The following DIP2C variants were observed in gnomAD, a reference collection of about 807,000 sequenced individuals.
DIP2C encodes the protein DIP2 acetate--CoA ligase C (putative), also known as disco-interacting protein 2 homolog C.
DIP2C carries 33 observed loss-of-function variants against 192.4 expected under a neutral mutation model. That is an observed-to-expected ratio of 0.17 (90% CI 0.13 to 0.23). The LOEUF is 0.23. Ranked by LOEUF, DIP2C falls within the 10% of genes least tolerant of loss-of-function variation. The pLI, the probability that DIP2C is intolerant of heterozygous loss-of-function variation, is 1.00. For missense variants in DIP2C, 1,537 were observed against 2,110.1 expected, an observed-to-expected ratio of 0.73 and a Z score of 5.32; for synonymous variants, 979 against 864.1, an observed-to-expected ratio of 1.13 and a Z score of -2.33.
chr10:616,186 T>C (rs951424093), intron 1 of DIP2C, among the ~76,000 whole-genome samples: 2 of 152,212 alleles, frequency 1.3e-5, no homozygotes, highest in Non-Finnish European at 2.9e-5. Context: ...ACTAAATTCC[T>C]CGATTTTATC....
chr10:483,516 C>A (rs1423880597), intron 2 of DIP2C, among the ~76,000 whole-genome samples: 1 of 152,238 alleles, frequency 6.6e-6, no homozygotes, highest in African/African-American at 2.4e-5. Flanking sequence ...GGAGTCCCCC[C>A]ATCCTGAGTC....
At chr10:470,189 T>C (rs904747753) in intron 3 of DIP2C, among the ~76,000 whole-genome samples, 1 of 152,088 alleles carries the variant, frequency 6.6e-6, no homozygotes, top group Admixed American at 6.6e-5. Context: ...TACACAGACA[T>C]GCAGATAGAC....
chr10:568,789 A>AAAC (rs1564208339), intron 1 of DIP2C, among the ~76,000 whole-genome samples: 2 of 140,546 alleles, frequency 1.4e-5, no homozygotes, highest in African/African-American at 2.8e-5. Flanking sequence ...AAAAAAAAAA[A>AAAC]AAAAAAAAAC....
chr10:673,489 A>G (rs926227356), intron 1 of DIP2C, among the ~76,000 whole-genome samples: 5 of 152,184 alleles, frequency 3.3e-5, no homozygotes, highest in Non-Finnish European at 7.3e-5. Context: ...TTCATCCCAC[A>G]TCACCTTTCA....
intron 36 of DIP2C, among the ~76,000 whole-genome samples, chr10:278,884 C>T (rs1485510023): frequency 2.0e-5 from 3 of 152,106 alleles, no homozygotes; most frequent in Non-Finnish European, 4.4e-5. Context: ...AGAAGGTTCC[C>T]GGGCAGAGTG....
chr10:477,737 A>G (rs1843176889), intron 2 of DIP2C, among the ~76,000 whole-genome samples: 1 of 123,804 alleles, frequency 8.1e-6, no homozygotes, highest in South Asian at 3.7e-4. Flanking sequence ...GAAGGAAAGA[A>G]AGAACGAGAA....
intron 24 of DIP2C, 97 bp from the exon 25 acceptor site, chr10:349,551 T>C (rs1958691285): frequency 6.7e-7 from 1 of 1,484,204 alleles, no homozygotes; most frequent in South Asian, 1.3e-5. Flanking sequence ...GCGCAAAGCA[T>C]ACATCACTGG....
intron 3 of DIP2C, among the ~76,000 whole-genome samples, chr10:470,248 G>C (rs921336724): frequency 6.6e-5 from 10 of 152,166 alleles, no homozygotes; most frequent in African/African-American, 2.4e-4. Context: ...TCAGGATGGG[G>C]AACGGGAGAG....
At chr10:495,567 GAACA>G (rs1280095183) in intron 1 of DIP2C, among the ~76,000 whole-genome samples, 2 of 137,322 alleles carry the variant, frequency 1.5e-5, no homozygotes, top group African/African-American at 6.7e-5. Flanking sequence ...CTCTCTCAGT[GAACA>G]AAAAAAAAAA....
intron 1 of DIP2C, among the ~76,000 whole-genome samples, chr10:677,728 A>G (rs1182002630): frequency 6.6e-6 from 1 of 152,212 alleles, no homozygotes; most frequent in African/African-American, 2.4e-5. Flanking sequence ...ATGAAAATAA[A>G]TATTCACACA....
chr10:348,571 A>G, intron 26 of DIP2C, 70 bp downstream of exon 26: 4 of 1,568,892 alleles, frequency 2.5e-6, no homozygotes, highest in East Asian at 4.5e-5. Flanking sequence ...GAGATGTCAG[A>G]GTCTGCGCGT....
chr10:391,062 T>C (rs998294172), intron 10 of DIP2C, among the ~76,000 whole-genome samples, 199 bp from the exon 11 acceptor site: 3 of 152,102 alleles, frequency 2.0e-5, no homozygotes, highest in Non-Finnish European at 4.4e-5. Flanking sequence ...AAAACAGGTA[T>C]AGAAAGAACA....
intron 4 of DIP2C, among the ~76,000 whole-genome samples, chr10:425,781 C>A (rs2133187763): frequency 6.6e-6 from 1 of 152,314 alleles, no homozygotes; most frequent in South Asian, 2.1e-4. Flanking sequence ...GGGAGTAGAA[C>A]CGCATGTTAA....
At chr10:390,229 C>T (rs370683293) in intron 12 of DIP2C, 35 bp downstream of exon 12, 143 of 1,603,522 alleles carry the variant, frequency 8.9e-5, no homozygotes, top group Middle Eastern at 1.7e-4. Flanking sequence ...CAAGGCCACA[C>T]TCAGGGCCAG....
rs141939682 is a variant in DIP2C at position 503,807 on chromosome 10, A to G, written c.86-17277T>C. Among the ~76,000 whole-genome samples, 28 of 152,290 alleles carry G rather than the reference A, an allele frequency of 1.8e-4. No homozygotes were observed. In the East Asian group the frequency reaches 5.2e-3, roughly 28 times the overall value. ...ACAGGACAATCCTCCTTTGTCCCCTATGGTTTTCATCACGGTTCTATATAC... is the reference window on the plus strand; with the variant it reads ...ACAGGACAATCCTCCTTTGTCCCCTGTGGTTTTCATCACGGTTCTATATAC... On this transcript the variant is annotated intron_variant, in intron 1 of 36. Transcript: ENST00000280886.
chr10:650,573 G>A, intron 1 of DIP2C: 2 of 630,610 alleles, frequency 3.2e-6, no homozygotes, highest in East Asian at 2.7e-5. Context: ...GAGCCAGGAG[G>A]GACGTGGGCC....
At chr10:592,071 T>TG (rs916990935) in intron 1 of DIP2C, among the ~76,000 whole-genome samples, 17 of 152,358 alleles carry the variant, frequency 1.1e-4, no homozygotes, top group African/African-American at 3.1e-4. Flanking sequence ...CCATGTGTTC[T>TG]GGGGTATTCA....
chr10:346,341 G>A (rs1371517938), intron 26 of DIP2C, among the ~76,000 whole-genome samples: 3 of 60,852 alleles, frequency 4.9e-5, no homozygotes, highest in African/African-American at 7.9e-5. Context: ...TAGTTCTCCC[G>A]GAAACCCCAC....
chr10:358,364 G>A (rs1440241978), intron 22 of DIP2C, among the ~76,000 whole-genome samples: 1 of 150,860 alleles, frequency 6.6e-6, no homozygotes, highest in Non-Finnish European at 1.5e-5. Flanking sequence ...GCTGGCTGTG[G>A]ACAAACAGAC....
Sources: gnomAD v4.1 joint callset for allele counts (sites outside exome capture counted in the v4.1 genomes callset) on GRCh38, gnomAD v4.1.1 for gene constraint, MANE v1.5 for transcripts, NCBI Gene and HGNC (gene_info 2026-07-23, HGNC 2026-07-21) for gene names.